Variants in MIA2 observed in about 807,000 individuals in gnomAD.
The protein encoded by MIA2 is melanoma inhibitory activity protein 2.
Under a neutral mutation model 167.8 loss-of-function variants are expected in MIA2, and 127 were observed. The ratio of observed to expected loss-of-function variants is 0.76; its 90% CI spans 0.66 to 0.88. The LOEUF (loss-of-function observed/expected upper bound fraction) is 0.88. MIA2 is among the 40% of genes least tolerant of loss of function. MIA2 has a pLI of 0.00. For missense variants in MIA2, 1,690 were observed against 1,624.7 expected (o/e 1.04, Z -0.69); for synonymous variants, 552 against 541.9 (o/e 1.02, Z -0.26).
intron 2 of MIA2, among the ~76,000 whole-genome samples, chr14:39,238,811 A>AAAAAAAAAAAAAAAACAAAAAC: frequency 7.7e-5 from 8 of 103,604 alleles, no homozygotes; most frequent in African/African-American, 3.1e-4. Flanking sequence ...AAAAAAAAAA[A>AAAAAAAAAAAAAAAACAAAAAC]CCCAAAAAAC....
downstream of MIA2, among the ~76,000 whole-genome samples, chr14:39,352,647 T>C (rs1042475270): frequency 1.3e-5 from 2 of 152,144 alleles, no homozygotes; most frequent in African/African-American, 4.8e-5. Context: ...TATTTGCCTA[T>C]AACTGTACTT....
chr14:39,288,038 G>A (rs1295078749), intron 9 of MIA2, among the ~76,000 whole-genome samples: 1 of 152,080 alleles, frequency 6.6e-6, no homozygotes, highest in Non-Finnish European at 1.5e-5. Flanking sequence ...GTAGAGATGT[G>A]GTTTTGCCAT....
chr14:39,267,002 C>A, intron 6 of MIA2: 1 of 895,980 alleles, frequency 1.1e-6, no homozygotes, highest in South Asian at 3.9e-5. Flanking sequence ...CCTCTAGTCC[C>A]AAGCCTCTCC....
rs374676622 is a variant in MIA2, at chr14:39,334,471, C to CA, written c.3655+7459dup. Among the ~76,000 whole-genome samples, 790 of 143,598 alleles carry CA rather than the reference C, an allele frequency of 5.5e-3. 3 individuals carry two copies. The highest frequency in any genetic ancestry group is 7.5e-3 in the Admixed American group (108 of 14,378). The allele number at this position is 143,598 out of a possible 152,430, so 94.2% of individuals were successfully genotyped here. A position where few individuals can be genotyped will look rare whatever the true frequency, so the allele number is the denominator to read the frequency against. ...GTCTGGCAACAGAGAGAGACTCTCT[C>CA]AAAAAAAAAATAAAAAAATGGTCAC... On this transcript the variant is annotated intron_variant, in intron 25 of 28. Coordinates refer to ENST00000640607, the MANE Select transcript of MIA2 (RefSeq NM_001329214.4).
chr14:39,350,959 GC>G (rs1229192737), downstream of MIA2: 1 of 83,890 alleles, frequency 1.2e-5, no homozygotes, highest in Non-Finnish European at 2.1e-5. Flanking sequence ...TTTCTTTATT[GC>G]TTTTTTTTCC....
intron 1 of MIA2, among the ~76,000 whole-genome samples, chr14:39,235,039 G>GTT (rs1221496521): frequency 6.9e-6 from 1 of 144,148 alleles, no homozygotes. Flanking sequence ...TACCTTTTTG[G>GTT]TTTTTTTTTT....
At chr14:39,285,487 C>G (rs1347636010) in intron 9 of MIA2, among the ~76,000 whole-genome samples, 1 of 148,480 alleles carries the variant, frequency 6.7e-6, no homozygotes, top group South Asian at 2.1e-4. Context: ...CCCCCCACCT[C>G]CCTCCCGGAC....
In MIA2 at chr14:39,301,611, G is replaced by C. The variant is rs143570645; in HGVS notation, c.2620-518G>C. On this transcript the variant is annotated intron_variant, in intron 14 of 28. Coordinates refer to ENST00000640607, the MANE Select transcript of MIA2 (RefSeq NM_001329214.4). ...CGTCATTTGATTATCTGTAGTGTTA[G>C]AAAATATTTCTTTAATCAACAAAAT... is the stretch of plus-strand genomic sequence containing the variant. Among the ~76,000 whole-genome samples the C allele has an allele frequency of 3.0e-3, 461 of 152,296 alleles. 3 individuals are homozygous for C. Among genetic ancestry groups the C allele is most frequent in the African/African-American group, 0.01 (423 of 41,570 alleles).
At chr14:39,267,313 T>TC (rs1052559540) in intron 6 of MIA2, 5 of 1,492,156 alleles carry the variant, frequency 3.4e-6, no homozygotes, top group East Asian at 2.5e-5. Flanking sequence ...GTCCCCCAGC[T>TC]CCCCCCGCAG....
chr14:39,343,817 GTGTGTGTATA>G (rs2153062861), intron 25 of MIA2, among the ~76,000 whole-genome samples: 1 of 152,184 alleles, frequency 6.6e-6, no homozygotes, highest in South Asian at 2.1e-4. Flanking sequence ...GCATATGAGG[GTGTGTGTATA>G]TGTGTGTATG....
chr14:39,286,384 A>C (rs1451810507), intron 9 of MIA2, among the ~76,000 whole-genome samples: 2 of 151,864 alleles, frequency 1.3e-5, no homozygotes. Flanking sequence ...CAGTGAGCGG[A>C]GATGGCAGCA....
chr14:39,239,559 AAAAAACAAAAAC>A (rs1296354261), intron 2 of MIA2, among the ~76,000 whole-genome samples: 3 of 152,282 alleles, frequency 2.0e-5, no homozygotes, highest in East Asian at 1.9e-4. Context: ...TGTCTCTATT[AAAAAACAAAAAC>A]AAAAACAAAA....
rs997929637 is a variant in MIA2, at chr14:39,247,441, G to C, written c.867G>C (p.Lys289Asn). Residue 289 changes from lysine to asparagine, a missense_variant, in exon 4 of 29, where the codon AAG becomes AAC. By Grantham distance (94) the Lys-to-Asn change is moderately conservative. Transcript: ENST00000640607. ...ESESEIDSVPKTQSELASESE... is the reference protein window; with the variant it reads ...ESESEIDSVPNTQSELASESE... ...AATCAGAAATTGATTCAGTGCCAAA[G>C]ACACAGTCTGAACTAGCATCTGAGT... The C allele has an allele frequency of 6.2e-7, 1 of 1,613,916 alleles. No homozygotes were observed. The highest frequency in any genetic ancestry group is 8.5e-7 in the Non-Finnish European group (1 of 1,180,012).
rs912645527 is a variant in MIA2 at position 39,292,952 on chromosome 14, CTT to C, written c.2209-312_2209-311del. On this transcript the variant is annotated intron_variant, in intron 10 of 28. Transcript: ENST00000640607. ...CAAACTGTGCCTAATGGGCTCTCCA[CTT>C]TTTTTTGTAAAAAATTGTTTTGGAA... is the stretch of plus-strand genomic sequence containing the variant. Among the ~76,000 whole-genome samples the C allele has an allele frequency of 2.6e-5, 4 of 151,834 alleles. No individual in the cohort carries two copies. In the South Asian group the frequency reaches 8.3e-4, roughly 32 times the overall value.
intron 25 of MIA2, among the ~76,000 whole-genome samples, chr14:39,334,938 G>A (rs905096169): frequency 4.6e-5 from 7 of 152,010 alleles, no homozygotes; most frequent in African/African-American, 1.7e-4. Flanking sequence ...TACCTGTCAT[G>A]GTTTTCTCTC....
intron 9 of MIA2, among the ~76,000 whole-genome samples, chr14:39,288,498 G>A (rs1350571341): frequency 1.4e-5 from 1 of 69,736 alleles, no homozygotes; most frequent in African/African-American, 6.5e-5. Context: ...TTTTTGAGAC[G>A]GAGTCTGGCG....
intron 23 of MIA2, chr14:39,386,793 A>G: frequency 9.0e-7 from 1 of 1,117,216 alleles, no homozygotes; most frequent in South Asian, 1.2e-5. Context: ...TCTAAGTGAT[A>G]GATTAGTGTC....
chr14:39,373,332 C>T (rs940932034), intron 23 of MIA2, among the ~76,000 whole-genome samples: 2 of 142,722 alleles, frequency 1.4e-5, no homozygotes, highest in Non-Finnish European at 3.0e-5. Flanking sequence ...AAGCATGCCA[C>T]TGAGGGAAAA....
rs566242648 is a variant in MIA2, at chr14:39,327,153, C to T, written c.3655+131C>T. ...AATCATCGTACATTTTTGAAAACAACAATGATAAATAATCTAAACAGAATG... is the reference window on the plus strand; with the variant it reads ...AATCATCGTACATTTTTGAAAACAATAATGATAAATAATCTAAACAGAATG... On this transcript the variant is annotated intron_variant, in intron 25 of 28. Coordinates refer to ENST00000640607, the MANE Select transcript of MIA2 (RefSeq NM_001329214.4). The T allele has an allele frequency of 6.7e-6, 4 of 601,358 alleles. No individual in the cohort carries two copies. In the East Asian group the frequency reaches 1.4e-4, roughly 21 times the overall value. 37.3% of individuals were successfully genotyped at this position (601,358 alleles called of 1,614,324 possible).
Sources: allele counts gnomAD v4.1 joint callset (sites outside exome capture counted in the v4.1 genomes callset), GRCh38; gene constraint gnomAD v4.1.1; transcripts MANE v1.5; gene names NCBI Gene and HGNC (gene_info 2026-07-23, HGNC 2026-07-21).